SIGLEC10: variants seen among roughly 807,000 people sequenced by gnomAD.
The protein encoded by SIGLEC10 is sialic acid-binding Ig-like lectin 10.
A neutral mutation model predicts 68.3 loss-of-function variants in SIGLEC10; 45 were observed. That is an observed-to-expected ratio of 0.66 (90% CI 0.52 to 0.84). The LOEUF is 0.84. Among genes scored for constraint, SIGLEC10 ranks in the 40% least tolerant of loss-of-function variants. The pLI, the probability that SIGLEC10 is intolerant of heterozygous loss-of-function variation, is 0.00. For synonymous variants in SIGLEC10, 379 were observed against 370.8 expected (o/e 1.02, Z -0.26); for missense variants, 789 against 883.1 (o/e 0.89, Z 1.35).
In SIGLEC10 at chr19:51,414,558, G is replaced by C. The variant is rs1379470631; in HGVS notation, c.1616-43C>G. 1.3e-6 allele frequency: 2 copies of C among 1,586,430 alleles called. No homozygotes were observed. The highest frequency in any genetic ancestry group is 1.7e-6 in the Non-Finnish European group (2 of 1,157,924). On this transcript the variant is annotated intron_variant, in intron 8 of 10. Coordinates refer to ENST00000339313, the MANE Select transcript of SIGLEC10 (RefSeq NM_033130.5). This position sits in a 1 kb window ranked among gnomAD's most constrained non-coding sequence, Gnocchi z 4.1. ...AAGGTGAGCATTTCCCATCCACGCAGGGCTCACGAAGCCCGCTCATCACTC... is the reference window on the plus strand; with the variant it reads ...AAGGTGAGCATTTCCCATCCACGCACGGCTCACGAAGCCCGCTCATCACTC...
rs767905952 is a variant in SIGLEC10, at chr19:51,414,554, C to T, written c.1616-39G>A. On this transcript the variant is annotated intron_variant, in intron 8 of 10. Transcript: ENST00000339313. The surrounding 1 kb of genome is among the most constrained non-coding windows in gnomAD (Gnocchi z 4.1). ...GGGCAAGGTGAGCATTTCCCATCCACGCAGGGCTCACGAAGCCCGCTCATC... is the reference window on the plus strand; with the variant it reads ...GGGCAAGGTGAGCATTTCCCATCCATGCAGGGCTCACGAAGCCCGCTCATC... The T allele has an allele frequency of 6.9e-6, 11 of 1,594,252 alleles. No homozygotes were observed. The East Asian group carries it at 2.0e-4, about 29-fold the overall frequency.
chr19:51,414,643 T>C lies in SIGLEC10; in HGVS notation c.1616-128A>G. The C allele has an allele frequency of 7.3e-7, 1 of 1,363,666 alleles. No homozygotes were observed. The highest frequency in any genetic ancestry group is 1.0e-6 in the Non-Finnish European group (1 of 968,422). 84.5% of individuals were successfully genotyped at this position (1,363,666 alleles called of 1,614,324 possible). A position where few individuals can be genotyped will look rare whatever the true frequency, so the allele number is the denominator to read the frequency against. On this transcript the variant is annotated intron_variant, in intron 8 of 10. Transcript: ENST00000339313. This position sits in a 1 kb window ranked among gnomAD's most constrained non-coding sequence, Gnocchi z 4.1. ...GTATCTGCAACCCCTCTGTTTACTT[T>C]TAGGAAACCCTGCCACACCCCGGCC... is the stretch of plus-strand genomic sequence containing the variant.
Position 51,415,172 on chromosome 19 carries a change from C to T in SIGLEC10, c.1330+9G>A. ...CCTGGGACCCAGGTGTCCCCTTTCC[C>T]CCACTCACAGTGCACGGAGAGGCTG... On this transcript the variant is annotated intron_variant, in intron 7 of 10. Coordinates refer to ENST00000339313, the MANE Select transcript of SIGLEC10 (RefSeq NM_033130.5). 1.3e-6 allele frequency: 2 copies of T among 1,594,982 alleles called. No homozygotes were observed. The highest frequency in any genetic ancestry group is 1.7e-6 in the Non-Finnish European group (2 of 1,170,412).
chr19:51,416,489 T>A (rs759475569), intron 3 of SIGLEC10, 132 bp from the exon 4 acceptor site: 5 of 1,594,954 alleles, frequency 3.1e-6, no homozygotes, highest in African/African-American at 2.7e-5. Context: ...GGCTCACGTG[T>A]GTGGACCAGA....
At position 51,413,658 on chromosome 19, in the gene SIGLEC10, T is replaced by A. The variant is rs1988214266; in HGVS notation, c.1821+54A>T. ...GACAAGGGGTGCAAAAGTCAGAAAG[T>A]GGGATGTCAGCTTTAGAGAAGAGAA... On this transcript the variant is annotated intron_variant, in intron 10 of 10. Transcript: ENST00000339313. 4 of 1,496,726 alleles carry A rather than the reference T, an allele frequency of 2.7e-6. No homozygotes were observed. The South Asian group carries it at 4.5e-5, about 17-fold the overall frequency. 92.7% of individuals were successfully genotyped at this position (1,496,726 alleles called of 1,614,324 possible).
In SIGLEC10 at chr19:51,416,125, G is replaced by A. The variant is rs752106767; in HGVS notation, c.797C>T (p.Ala266Val). ...QPQGNVPYLE[A>V]QKGQFLRLLC... is the part of the protein sequence containing the mutation. ...GAGCCGCAGGAACTGGCCTTTTTGG[G>A]CTTCCAGGTATGGGACATTTCCCTG... Residue 266 changes from alanine to valine, a missense_variant, in exon 5 of 11, where the codon GCC becomes GTC. Ala to Val is a moderately conservative substitution (Grantham distance 64). Transcript: ENST00000339313. 26 of 1,607,812 alleles carry A rather than the reference G, an allele frequency of 1.6e-5. No individual in the cohort carries two copies. The highest frequency in any genetic ancestry group is 2.2e-5 in the Non-Finnish European group (26 of 1,177,160).
chr19:51,411,272 AC>A lies in SIGLEC10; in HGVS notation c.1920del (p.Gln640HisfsTer79). On this transcript the variant is annotated frameshift_variant, in exon 11 of 11. Transcript: ENST00000339313. LOFTEE classifies it low-confidence loss of function (END_TRUNC). ...GGTTCTGGGAAACTGGGCAACTGAT[AC>A]TGCTTTTTCTGGTTCTTCTTTGATT... ...SPESKKNQKK[Q>X]YQLPSFPEPK... 6.2e-7 allele frequency: 1 copy of A among 1,614,118 alleles called. No homozygotes were observed. Among genetic ancestry groups the A allele is most frequent in the South Asian group, 1.1e-5 (1 of 91,068 alleles).
Position 51,414,232 on chromosome 19 carries a change from T to A in SIGLEC10, c.1709+190A>T. ...GCTTGGGGCGTGACTGCCCTCAGCA[T>A]TCCCTCTGGGAAGCAGACGCAGTTT... On this transcript the variant is annotated intron_variant, in intron 9 of 10. Transcript: ENST00000339313. This position sits in a 1 kb window ranked among gnomAD's most constrained non-coding sequence, Gnocchi z 4.1. 1.6e-6 allele frequency: 1 copy of A among 607,684 alleles called. No homozygotes were observed. The highest frequency in any genetic ancestry group is 2.0e-5 in the South Asian group (1 of 50,810). The allele number at this position is 607,684 out of a possible 1,614,324, so 37.6% of individuals were successfully genotyped here.
intron 10 of SIGLEC10, among the ~76,000 whole-genome samples, chr19:51,413,253 G>C (rs967041073): frequency 6.6e-6 from 1 of 152,136 alleles, no homozygotes; most frequent in African/African-American, 2.4e-5. Context: ...TTGTCTCCAT[G>C]TTACAGCTAA....
chr19:51,416,597 C>T lies in SIGLEC10; in HGVS notation c.706+69G>A, dbSNP rs539060597. 5.8e-3 allele frequency: 9,278 copies of T among 1,589,832 alleles called. 95 individuals are homozygous for T. The highest frequency in any genetic ancestry group is 6.4e-3 in the Non-Finnish European group (7,476 of 1,162,124). On this transcript the variant is annotated intron_variant, in intron 3 of 10. Transcript: ENST00000339313. ...CTGAGCTGGGAGCCGCTCACTGTCC[C>T]ACTGGGCTCCTCCACCTCCCCACCC... is the stretch of plus-strand genomic sequence containing the variant.
At position 51,411,374 on chromosome 19, in the gene SIGLEC10, G is replaced by A; in HGVS notation, c.1822-3C>T. 6.2e-7 allele frequency: 1 copy of A among 1,613,350 alleles called. No individual in the cohort carries two copies. ...GCTTTCTGATTCCGCTTCTGAGCCT[G>A]AGGGAAGAACCACCATCCTTCATTC... On this transcript the variant is annotated splice_region_variant and splice_polypyrimidine_tract_variant and intron_variant, in intron 10 of 10. Transcript: ENST00000339313.
At chr19:51,411,868 T>C (rs1418623259) in intron 10 of SIGLEC10, among the ~76,000 whole-genome samples, 19 of 149,740 alleles carry the variant, frequency 1.3e-4, no homozygotes, top group Admixed American at 1.2e-3. Flanking sequence ...GATAGCCGGG[T>C]ACGGTGGTTC....
intron 10 of SIGLEC10, among the ~76,000 whole-genome samples, chr19:51,413,018 G>A (rs753179726): frequency 6.6e-6 from 1 of 152,080 alleles, no homozygotes; most frequent in Admixed American, 6.6e-5. Context: ...GACAGGCTAA[G>A]TTTGAAGTGC....
chr19:51,411,499 TC>T (rs1988009090), intron 10 of SIGLEC10, 128 bp from the exon 11 acceptor site: 2 of 1,206,250 alleles, frequency 1.7e-6, no homozygotes, highest in South Asian at 3.1e-5. Flanking sequence ...GAGCTTGCAT[TC>T]CATCTTGGAA....
In SIGLEC10 at chr19:51,417,346, A is replaced by G. The variant is rs777002730; in HGVS notation, c.157T>C (p.Ser53Pro). The change falls in exon 2 of 11, where the codon TCT becomes CCT. Residue 53 changes from serine (S) to proline (P), a missense_variant. Transcript: ENST00000339313. The stretch of plus-strand genomic sequence containing the variant: ...AACCAGTAGCCATAAGCTGGGGTAG[A>G]CCCTGTCCAGTCCTGTCGGGGGTAG... Reference protein sequence around the residue: ...FSYPRQDWTGSTPAYGYWFKA... With the variant: ...FSYPRQDWTGPTPAYGYWFKA... 17 of 1,614,002 alleles carry G rather than the reference A, an allele frequency of 1.1e-5. No homozygotes were observed. The highest frequency in any genetic ancestry group is 3.3e-5 in the Admixed American group (2 of 59,994).
intron 10 of SIGLEC10, among the ~76,000 whole-genome samples, chr19:51,413,496 C>T (rs1046463617): frequency 1.3e-5 from 2 of 152,164 alleles, no homozygotes; most frequent in Non-Finnish European, 2.9e-5. Context: ...ATCCTCAAAC[C>T]AACTCTCAAA....
chr19:51,411,396 A>G, intron 10 of SIGLEC10, 25 bp from the exon 11 acceptor site: 1 of 1,610,256 alleles, frequency 6.2e-7, no homozygotes. Flanking sequence ...ACCATCCTTC[A>G]TTCATTCATT....
chr19:51,415,465 G>A, intron 6 of SIGLEC10, 27 bp from the exon 7 acceptor site: 1 of 1,610,234 alleles, frequency 6.2e-7, no homozygotes, highest in Non-Finnish European at 8.5e-7. Context: ...CAGAATCGAT[G>A]AGCAGCTCAG....
rs142474485 is a variant in SIGLEC10, at chr19:51,415,494, C to T, written c.1073-56G>A. 181 of 1,613,792 alleles carry T rather than the reference C, an allele frequency of 1.1e-4. 2 individuals are homozygous for T. The African/African-American group carries it at 1.8e-3, about 16-fold the overall frequency. ...AGCTCAGGGCTCAGGGACCCTCCTGCGTGGGGACCCTCCAGACTCCTGGGC... is the reference window on the plus strand; with the variant it reads ...AGCTCAGGGCTCAGGGACCCTCCTGTGTGGGGACCCTCCAGACTCCTGGGC... On this transcript the variant is annotated intron_variant, in intron 6 of 10. Transcript: ENST00000339313.
Sources: allele counts gnomAD v4.1 joint callset (sites outside exome capture counted in the v4.1 genomes callset), GRCh38; gene constraint gnomAD v4.1.1; non-coding constraint Gnocchi (gnomAD v3.1); transcripts MANE v1.5; gene names NCBI Gene and HGNC (gene_info 2026-07-23, HGNC 2026-07-21).